NEO1: variants seen among roughly 807,000 people sequenced by gnomAD.
NEO1 encodes the protein neogenin.
In NEO1, 63 loss-of-function variants were observed where a neutral mutation model predicts 159.7. The observed-to-expected ratio is 0.39, with a 90% confidence interval of 0.32 to 0.49. The LOEUF is 0.49. Among genes scored for constraint, NEO1 ranks in the 20% least tolerant of loss-of-function variants. The probability of loss-of-function intolerance (pLI) is 0.85; values close to 1 mark genes in which losing one functional copy is unlikely to be tolerated. For synonymous variants in NEO1, 633 were observed against 662.0 expected (o/e 0.96, Z 0.67); for missense variants, 1,615 against 1,831.0 (o/e 0.88, Z 2.15).
chr15:73,060,564 C>T (rs2067928585), intron 1 of NEO1, among the ~76,000 whole-genome samples: 1 of 151,948 alleles, frequency 6.6e-6, no homozygotes, highest in Non-Finnish European at 1.5e-5. Context: ...CACCGCTGCA[C>T]CCAGGCAACT....
intron 5 of NEO1, among the ~76,000 whole-genome samples, chr15:73,163,739 C>G (rs2151898036): frequency 6.6e-6 from 1 of 152,312 alleles, no homozygotes; most frequent in African/African-American, 2.4e-5. Flanking sequence ...GTTGCCAGTG[C>G]TATTGGTCCT....
chr15:73,240,705 G>T (rs149859915), intron 8 of NEO1, among the ~76,000 whole-genome samples: 55 of 152,178 alleles, frequency 3.6e-4, no homozygotes, highest in Non-Finnish European at 6.3e-4. Flanking sequence ...GCCTAGATAC[G>T]TGCTAGTCGT....
At chr15:73,057,966 T>C (rs2067792998) in intron 1 of NEO1, among the ~76,000 whole-genome samples, 1 of 152,224 alleles carries the variant, frequency 6.6e-6, no homozygotes, top group African/African-American at 2.4e-5. Context: ...AATTCCATTT[T>C]TGAAACCCAT....
chr15:73,196,491 A>AT (rs1347699920), intron 7 of NEO1, among the ~76,000 whole-genome samples: 1 of 152,228 alleles, frequency 6.6e-6, no homozygotes, highest in Non-Finnish European at 1.5e-5. Flanking sequence ...CTGTGAGATT[A>AT]TTCACATGCA....
At chr15:73,287,754 G>C (rs750902151) in intron 23 of NEO1, among the ~76,000 whole-genome samples, 1 of 151,982 alleles carries the variant, frequency 6.6e-6, no homozygotes, top group Admixed American at 6.5e-5. Flanking sequence ...GGTGGTGGAC[G>C]CCTGTAATCC....
At chr15:73,236,277 A>G in intron 7 of NEO1, 70 bp from the exon 8 acceptor site, 1 of 1,611,624 alleles carries the variant, frequency 6.2e-7, no homozygotes, top group Non-Finnish European at 8.5e-7. Context: ...CAATGTTTGC[A>G]CATGACAAGA....
At chr15:73,104,596 A>T (rs1389858076) in intron 1 of NEO1, among the ~76,000 whole-genome samples, 1 of 152,222 alleles carries the variant, frequency 6.6e-6, no homozygotes, top group Non-Finnish European at 1.5e-5. Context: ...CAAATAGCTA[A>T]AATATTGATT....
intron 22 of NEO1, among the ~76,000 whole-genome samples, chr15:73,280,743 T>C (rs1436193788): frequency 6.6e-6 from 1 of 152,162 alleles, no homozygotes; most frequent in African/African-American, 2.4e-5. Context: ...AAATGAAAGA[T>C]AAAAATGATT....
intron 5 of NEO1, chr15:73,161,769 T>A: frequency 3.6e-6 from 1 of 280,274 alleles, no homozygotes; most frequent in Non-Finnish European, 6.9e-6. Flanking sequence ...CTTAAACTAT[T>A]TTCTTAAAGA....
intron 1 of NEO1, among the ~76,000 whole-genome samples, chr15:73,111,353 C>T (rs16957640): frequency 0.13 from 20,182 of 152,038 alleles, 1,925 homozygotes; most frequent in African/African-American, 0.26. Flanking sequence ...TCATAATGTT[C>T]CTCTCCTGTG....
At position 73,190,951 on chromosome 15, in the gene NEO1, T is replaced by C. The variant is rs1024734492; in HGVS notation, c.1291+12524T>C. 2.0e-5 allele frequency among the ~76,000 whole-genome samples: 3 copies of C among 152,086 alleles called. No individual in the cohort carries two copies. The East Asian group carries it at 5.8e-4, about 29-fold the overall frequency. On this transcript the variant is annotated intron_variant, in intron 7 of 28. Transcript: ENST00000261908. ...GAATTAAATTTAATGATCTCTTAGG[T>C]CCCATATCACTCCAAATACTCTGTT...
intron 1 of NEO1, among the ~76,000 whole-genome samples, chr15:73,092,330 T>C (rs916155310): frequency 6.6e-6 from 1 of 152,220 alleles, no homozygotes; most frequent in African/African-American, 2.4e-5. Context: ...AGAGCTTTAT[T>C]TTAAAGCTCA....
At chr15:73,059,266 T>C (rs1440905080) in intron 1 of NEO1, among the ~76,000 whole-genome samples, 1 of 152,172 alleles carries the variant, frequency 6.6e-6, no homozygotes, top group Non-Finnish European at 1.5e-5. Context: ...GGTGGTTATA[T>C]ATGTTTTATT....
rs576850883 is a variant in NEO1, at chr15:73,262,829, A to G, written c.2398+2364A>G. Among the ~76,000 whole-genome samples the G allele has an allele frequency of 5.3e-5, 8 of 152,364 alleles. No homozygotes were observed. In the South Asian group the frequency reaches 1.2e-3, roughly 24 times the overall value. Reference sequence around the variant, plus strand: ...AAGGGGAAATAACAAATTTTCATCAACAGGTAAGTGGTAAATCGTGATATA... The same window carrying G: ...AAGGGGAAATAACAAATTTTCATCAGCAGGTAAGTGGTAAATCGTGATATA... On this transcript the variant is annotated intron_variant, in intron 15 of 28. Coordinates refer to ENST00000261908, the MANE Select transcript of NEO1 (RefSeq NM_002499.4).
chr15:73,158,208 CTTTTTTTTTTTT>C lies in NEO1; in HGVS notation c.1016-18181_1016-18170del, dbSNP rs1047852394. On this transcript the variant is annotated intron_variant, in intron 5 of 28. Transcript: ENST00000261908. ...CCAGCCTGGGAGAAAGAGTGAGACT[CTTTTTTTTTTTT>C]TTTTTTTTTTTTTACAATTTTTTCT... Among the ~76,000 whole-genome samples, 7 of 82,556 alleles carry C rather than the reference CTTTTTTTTTTTT, an allele frequency of 8.5e-5. No homozygotes were observed. The East Asian group carries it at 2.9e-3, about 34-fold the overall frequency. The allele number at this position is 82,556 out of a possible 152,430, so 54.2% of individuals were successfully genotyped here.
chr15:73,295,603 T>A (rs1036134515), intron 26 of NEO1, among the ~76,000 whole-genome samples: 1 of 152,084 alleles, frequency 6.6e-6, no homozygotes, highest in African/African-American at 2.4e-5. Context: ...AGAGAGGCCA[T>A]GCTTTGATGA....
intron 2 of NEO1, among the ~76,000 whole-genome samples, chr15:73,122,235 C>T (rs1202380559): frequency 6.6e-6 from 1 of 151,258 alleles, no homozygotes; most frequent in Non-Finnish European, 1.5e-5. Flanking sequence ...ATGATGTTTA[C>T]ACTGATACCT....
At chr15:73,156,254 T>C (rs2033765896) in intron 5 of NEO1, among the ~76,000 whole-genome samples, 1 of 152,216 alleles carries the variant, frequency 6.6e-6, no homozygotes, top group Admixed American at 6.5e-5. Flanking sequence ...TCTGTGGATT[T>C]TTCTGTGTGT....
chr15:73,135,763 G>T, intron 4 of NEO1, 128 bp from the exon 5 acceptor site: 1 of 803,832 alleles, frequency 1.2e-6, no homozygotes, highest in Non-Finnish European at 1.7e-6. Flanking sequence ...TATTAGTCTT[G>T]GTTCATCTAT....
Sources: gnomAD v4.1 joint callset for allele counts (sites outside exome capture counted in the v4.1 genomes callset) on GRCh38, gnomAD v4.1.1 for gene constraint, MANE v1.5 for transcripts, NCBI Gene and HGNC (gene_info 2026-07-23, HGNC 2026-07-21) for gene names.